Variants in C1orf185 observed in about 807,000 individuals in gnomAD.
C1orf185 encodes the protein uncharacterized protein C1orf185.
C1orf185 carries 13 observed loss-of-function variants against 16.1 expected under a neutral mutation model. That is an observed-to-expected ratio of 0.81 (90% CI 0.53 to 1.28). The LOEUF (loss-of-function observed/expected upper bound fraction) is 1.28. Among genes scored for constraint, C1orf185 ranks in the 50% most tolerant of loss-of-function variants. The pLI is 0.00. For missense variants in C1orf185, 220 were observed against 225.2 expected, an observed-to-expected ratio of 0.98 and a Z score of 0.15; for synonymous variants, 80 against 76.9, an observed-to-expected ratio of 1.04 and a Z score of -0.21.
intron 3 of C1orf185, among the ~76,000 whole-genome samples, chr1:51,138,931 G>A (rs973355594): frequency 7.3e-5 from 11 of 151,490 alleles, no homozygotes; most frequent in East Asian, 2.0e-4. Flanking sequence ...CAAGTGGTCC[G>A]CCTGTTTCAA....
intron 3 of C1orf185, among the ~76,000 whole-genome samples, chr1:51,125,100 G>A (rs1303427000): frequency 6.6e-6 from 1 of 152,164 alleles, no homozygotes; most frequent in African/African-American, 2.4e-5. Flanking sequence ...TGTTTTCAGG[G>A]TCAAAAGATG....
At chr1:51,128,996 T>G (rs1646262874) in intron 3 of C1orf185, among the ~76,000 whole-genome samples, 1 of 151,902 alleles carries the variant, frequency 6.6e-6, no homozygotes, top group Non-Finnish European at 1.5e-5. Context: ...GTGATTCTCC[T>G]GCCTCAGCCT....
At chr1:51,144,245 T>C (rs1646384997) in intron 3 of C1orf185, among the ~76,000 whole-genome samples, 1 of 152,186 alleles carries the variant, frequency 6.6e-6, no homozygotes, top group Non-Finnish European at 1.5e-5. Flanking sequence ...AGTCAGAATC[T>C]GCATTTTAAC....
At chr1:51,134,198 A>G (rs1223438164) in intron 3 of C1orf185, among the ~76,000 whole-genome samples, 1 of 152,216 alleles carries the variant, frequency 6.6e-6, no homozygotes, top group Non-Finnish European at 1.5e-5. Flanking sequence ...ACTCAAAACC[A>G]TATAATTACA....
chr1:51,121,530 A>G (rs1473346765), intron 3 of C1orf185, among the ~76,000 whole-genome samples: 1 of 152,178 alleles, frequency 6.6e-6, no homozygotes, highest in African/African-American at 2.4e-5. Context: ...GAAAAAAAAT[A>G]GTATAAAAAG....
At chr1:51,140,649 C>T (rs527802782) in intron 3 of C1orf185, among the ~76,000 whole-genome samples, 2 of 152,082 alleles carry the variant, frequency 1.3e-5, no homozygotes, top group Non-Finnish European at 2.9e-5. Context: ...AATGCAAATT[C>T]TTTGGTAGAC....
chr1:51,131,801 A>T (rs891666200), intron 3 of C1orf185, among the ~76,000 whole-genome samples: 10 of 152,200 alleles, frequency 6.6e-5, no homozygotes, highest in Non-Finnish European at 1.5e-4. Context: ...TGGCTAGTAC[A>T]TAGAAATGAT....
intron 3 of C1orf185, among the ~76,000 whole-genome samples, chr1:51,130,196 G>A (rs1646272808): frequency 6.6e-6 from 1 of 152,142 alleles, no homozygotes; most frequent in Non-Finnish European, 1.5e-5. Context: ...AAATGCCCAG[G>A]AATGCAGTTT....
At chr1:51,129,288 G>A (rs1449536666) in intron 3 of C1orf185, among the ~76,000 whole-genome samples, 1 of 152,128 alleles carries the variant, frequency 6.6e-6, no homozygotes, top group Non-Finnish European at 1.5e-5. Flanking sequence ...TTATGAGTGT[G>A]AGCCGCTGCA....
intron 3 of C1orf185, among the ~76,000 whole-genome samples, chr1:51,132,524 T>C (rs1194929531): frequency 6.6e-6 from 1 of 151,992 alleles, no homozygotes; most frequent in Non-Finnish European, 1.5e-5. Context: ...TGAAATTAGA[T>C]AGTCAAACAA....
chr1:51,138,343 A>T (rs1440516937), intron 3 of C1orf185, among the ~76,000 whole-genome samples: 2 of 152,254 alleles, frequency 1.3e-5, no homozygotes, highest in African/African-American at 4.8e-5. Flanking sequence ...ACAATTCAAT[A>T]GCATTAAATG....
At chr1:51,148,134 T>A (rs556162611), downstream of C1orf185, 25 of 173,546 alleles carry the variant, frequency 1.4e-4, no homozygotes, top group Non-Finnish European at 2.1e-4. Context: ...AATACATATA[T>A]TTTCTTTGAG....
chr1:51,150,742 G>A (rs1439511538), downstream of C1orf185, among the ~76,000 whole-genome samples: 2 of 152,104 alleles, frequency 1.3e-5, no homozygotes, highest in African/African-American at 2.4e-5. Flanking sequence ...GCAGTTTATT[G>A]TTCATAGCAA....
chr1:51,112,392 G>C, intron 1 of C1orf185, 72 bp from the exon 2 acceptor site: 1 of 1,240,958 alleles, frequency 8.1e-7, no homozygotes, highest in Non-Finnish European at 1.1e-6. Context: ...ATCATTTGAA[G>C]TTTATCATTC....
chr1:51,147,909 A>AC lies in C1orf185; in HGVS notation c.*138_*139insC. 1 of 763,542 alleles carries AC rather than the reference A, an allele frequency of 1.3e-6. No homozygotes were observed. Among genetic ancestry groups the AC allele is most frequent in the Non-Finnish European group, 2.0e-6 (1 of 503,576 alleles). 47.3% of individuals were successfully genotyped at this position (763,542 alleles called of 1,614,324 possible). ...ACAATCAGCTTCTGAGTCTCTTAAC[A>AC]TGTCCATGCTAATATTGCTTTTTTT... On this transcript the variant is annotated 3_prime_UTR_variant, in exon 5 of 5. Transcript: ENST00000371759.
At chr1:51,105,032 A>C (rs1389338341) in intron 1 of C1orf185, among the ~76,000 whole-genome samples, 1 of 150,838 alleles carries the variant, frequency 6.6e-6, no homozygotes, top group Admixed American at 6.6e-5. Context: ...ATCTCGGCTC[A>C]CTGCAACCTC....
intron 1 of C1orf185, among the ~76,000 whole-genome samples, chr1:51,103,876 T>C (rs1327029372): frequency 1.3e-5 from 2 of 152,206 alleles, no homozygotes; most frequent in African/African-American, 2.4e-5. Flanking sequence ...TATTTATTGC[T>C]TGCTGTAATT....
Position 51,118,707 on chromosome 1 carries a change from G to C in C1orf185, c.164G>C (p.Arg55Thr). ...QNSKFKAIDE[R>T]CRQRPSMAKI... The stretch of plus-strand genomic sequence containing the variant: ...TCCAAATTTAAAGCAATTGATGAGA[G>C]ATGCAGGCAAAGACCATCAATGGCG... The change falls in exon 3 of 5, where the codon AGA becomes ACA. Residue 55 changes from arginine to threonine, a missense_variant. Physicochemically the swap from Arg to Thr is moderately conservative, Grantham distance 71. Transcript: ENST00000371759. 1 of 1,459,472 alleles carries C rather than the reference G, an allele frequency of 6.9e-7. No homozygotes were observed. Among genetic ancestry groups the C allele is most frequent in the Non-Finnish European group, 9.1e-7 (1 of 1,094,514 alleles). 90.4% of individuals were successfully genotyped at this position (1,459,472 alleles called of 1,614,324 possible).
Position 51,112,521 on chromosome 1 carries a change from G to A in C1orf185, c.74G>A (p.Gly25Asp). The change falls in exon 2 of 5, where the codon GGT becomes GAT. Residue 25 changes from glycine to aspartate, a missense_variant. Transcript: ENST00000371759. ...LAAGAVTLGI[G>D]FFALASALWF... ...GCTGGTGCTGTCACTTTGGGAATTG[G>A]TTTCTTTGCTTTGGCATCAGCTTTG... 6.4e-7 allele frequency: 1 copy of A among 1,550,738 alleles called. No individual in the cohort carries two copies. The highest frequency in any genetic ancestry group is 8.7e-7 in the Non-Finnish European group (1 of 1,146,572).
Sources: gnomAD v4.1 joint callset for allele counts (sites outside exome capture counted in the v4.1 genomes callset) on GRCh38, gnomAD v4.1.1 for gene constraint, MANE v1.5 for transcripts, NCBI Gene and HGNC (gene_info 2026-07-23, HGNC 2026-07-21) for gene names.